SLC4A2: variants seen among roughly 807,000 people sequenced by gnomAD.
SLC4A2 encodes solute carrier family 4 member 2.
A neutral mutation model predicts 115.0 loss-of-function variants in SLC4A2; 36 were observed. That is an observed-to-expected ratio of 0.31 (90% confidence interval 0.24 to 0.41). The LOEUF (loss-of-function observed/expected upper bound fraction) is 0.41. Among genes scored for constraint, SLC4A2 ranks in the 10% least tolerant of loss-of-function variants. SLC4A2 has a pLI of 1.00. For synonymous variants in SLC4A2, 708 were observed against 708.3 expected (o/e 1.00, Z 0.01); for missense variants, 1,252 against 1,705.6 (o/e 0.73, Z 4.68).
At chr7:151,068,115 C>T in intron 8 of SLC4A2, 61 bp downstream of exon 8, 1 of 1,292,862 alleles carries the variant, frequency 7.7e-7, no homozygotes, top group Non-Finnish European at 1.0e-6. Context: ...CCCACATGGC[C>T]CCAAATCTGT....
intron 3 of SLC4A2, 70 bp from the exon 4 acceptor site, chr7:151,064,456 G>C: frequency 6.3e-7 from 1 of 1,577,208 alleles, no homozygotes; most frequent in Non-Finnish European, 8.6e-7. Context: ...GGGAGGAGTG[G>C]GGCTAGGGGG....
rs769777756 is a variant in SLC4A2 at position 151,070,054 on chromosome 7, G to A, written c.1255G>A (p.Val419Met). The A allele has an allele frequency of 8.7e-6, 14 of 1,614,124 alleles. No homozygotes were observed. Among genetic ancestry groups the A allele is most frequent in the Middle Eastern group, 1.6e-4 (1 of 6,062 alleles). Residue 419 changes from valine (V) to methionine (M), a missense_variant, in exon 9 of 23, where the codon GTG becomes ATG. By Grantham distance (21) the Val-to-Met change is conservative. This residue lies in a region of SLC4A2 where 142 missense variants were observed against 153.5 expected (regional missense o/e 0.93). Transcript: ENST00000413384. ...DQIKAEDRAN[V>M]LRALLLKHSH... ...GATCAAGGCCGAGGACAGGGCCAAC[G>A]TGCTGCGGGCTCTGCTGTTGAAACA... is the stretch of plus-strand genomic sequence containing the variant.
chr7:151,064,999 A>G (rs937228281), intron 5 of SLC4A2, 33 bp downstream of exon 5: 2 of 1,334,798 alleles, frequency 1.5e-6, no homozygotes, highest in Non-Finnish European at 2.2e-6. Flanking sequence ...TGTCCCCAAC[A>G]GACACTTCCC....
chr7:151,073,867 G>T, intron 16 of SLC4A2, 172 bp from the exon 17 acceptor site: 1 of 691,642 alleles, frequency 1.4e-6, no homozygotes, highest in Non-Finnish European at 2.4e-6. Context: ...GCCCCACACT[G>T]CCCTGTGCTC....
Position 151,067,464 on chromosome 7 carries a change from G to A in SLC4A2, c.967-410G>A, listed in dbSNP as rs1797273449. ...ACACATCTTAGAGCTTATTGACTTG[G>A]GCACTGTGATTATACTCCCCATGGT... On this transcript the variant is annotated intron_variant, in intron 7 of 22. Transcript: ENST00000413384. 3.9e-5 allele frequency among the ~76,000 whole-genome samples: 6 copies of A among 152,166 alleles called. 1 individual carries two copies. The highest frequency in any genetic ancestry group is 1.3e-4 in the Admixed American group (2 of 15,280).
At position 151,064,218 on chromosome 7, in the gene SLC4A2, TGG is replaced by T; in HGVS notation, c.70_71del (p.Gly24ProfsTer24). 6.2e-7 allele frequency: 1 copy of T among 1,612,318 alleles called. No individual in the cohort carries two copies. The highest frequency in any genetic ancestry group is 8.5e-7 in the Non-Finnish European group (1 of 1,179,934). On this transcript the variant is annotated frameshift_variant, in exon 3 of 23. Transcript: ENST00000413384. LOFTEE classifies it high-confidence loss of function. The stretch of plus-strand genomic sequence containing the variant: ...TCCTCACAGCCAGAGCCAGAGAGCT[TGG>T]GCCCTGGGACGCCTGGGTTCCCCGA...
At chr7:151,063,609 A>G (rs1395269979) in intron 2 of SLC4A2, among the ~76,000 whole-genome samples, 1 of 130,644 alleles carries the variant, frequency 7.7e-6, no homozygotes, top group African/African-American at 2.9e-5. Flanking sequence ...GAGGGGGCAG[A>G]CTGCTGGGGG....
At chr7:151,072,349 T>C (rs906819022) in intron 16 of SLC4A2, among the ~76,000 whole-genome samples, 1 of 152,222 alleles carries the variant, frequency 6.6e-6, no homozygotes, top group African/African-American at 2.4e-5. Context: ...TGGAGTGCAG[T>C]GGCGTGACCT....
rs1797182975 is a variant in SLC4A2, at chr7:151,064,958, C to T, written c.570C>T (p.Ala190=). ...QEATPRASKG[A]QAGTQVEEAE... is the part of the protein sequence containing the mutation. ...CGACTCCTCGGGCCTCCAAAGGGGC[C>T]CAGGCTGGGTAAGTACACCCCAATC... The change falls in exon 5 of 23, where the codon GCC becomes GCT. Residue 190 remains alanine (A), a synonymous_variant. Coordinates refer to ENST00000413384, the MANE Select transcript of SLC4A2 (RefSeq NM_003040.4). The T allele has an allele frequency of 1.2e-6, 2 of 1,610,146 alleles. No individual in the cohort carries two copies. Among genetic ancestry groups the T allele is most frequent in the Non-Finnish European group, 1.7e-6 (2 of 1,176,598 alleles).
upstream of SLC4A2, chr7:151,058,550 A>AC (rs1239450535): frequency 6.6e-6 from 1 of 150,604 alleles, no homozygotes; most frequent in Non-Finnish European, 1.5e-5. Context: ...CACGCCAAAG[A>AC]CCCCCTCTCT....
At chr7:151,075,145 CG>C in intron 19 of SLC4A2, 109 bp from the exon 20 acceptor site, 2 of 1,421,782 alleles carry the variant, frequency 1.4e-6, no homozygotes, top group Non-Finnish European at 1.9e-6. Flanking sequence ...GGACAGGGAC[CG>C]CCAGGTTCCA....
intron 2 of SLC4A2, 126 bp downstream of exon 2, chr7:151,062,164 C>T: frequency 1.3e-6 from 1 of 776,866 alleles, no homozygotes; most frequent in Non-Finnish European, 2.1e-6. Context: ...GAGGATGCTG[C>T]CATCCCTACC....
rs528467571 is a variant in SLC4A2 at position 151,062,014 on chromosome 7, C to G, written c.27C>G (p.Ala9=). Residue 9 remains alanine, a synonymous_variant, in exon 2 of 23, where the codon GCC becomes GCG. Transcript: ENST00000413384. ...TGAGCAGCGCCCCTCGGCGCCCCGC[C>G]AAGGGCGCAGATTCTTTCTGTACGG... The part of the protein sequence containing the change: MSSAPRRP[A]KGADSFCTPE... 15 of 1,610,984 alleles carry G rather than the reference C, an allele frequency of 9.3e-6. No homozygotes were observed. Among genetic ancestry groups the G allele is most frequent in the Non-Finnish European group, 1.2e-5 (14 of 1,179,756 alleles).
rs778916169 is a variant in SLC4A2 at position 151,064,269 on chromosome 7, G to A, written c.119G>A (p.Arg40His). ...FPEQEEDELH[R>H]TLGVERFEEI... Reference sequence around the variant, plus strand: ...GAGCAGGAGGAAGACGAACTTCACCGCACCCTGGGCGTGGAGCGGTTTGAG... The same window carrying A: ...GAGCAGGAGGAAGACGAACTTCACCACACCCTGGGCGTGGAGCGGTTTGAG... Residue 40 changes from arginine (R) to histidine (H), a missense_variant, in exon 3 of 23, where the codon CGC becomes CAC. By Grantham distance (29) the Arg-to-His change is conservative. Transcript: ENST00000413384. 3.1e-6 allele frequency: 5 copies of A among 1,612,494 alleles called. No individual in the cohort carries two copies. Among genetic ancestry groups the A allele is most frequent in the Admixed American group, 3.3e-5 (2 of 59,998 alleles).
In SLC4A2 at chr7:151,075,601, C is replaced by T. The variant is rs374811820; in HGVS notation, c.3302-5C>T. The T allele has an allele frequency of 3.3e-4, 528 of 1,589,814 alleles. 1 individual carries two copies. Among genetic ancestry groups the T allele is most frequent in the Non-Finnish European group, 4.3e-4 (506 of 1,171,778 alleles). ...GGCCAACTCTTTCTCCTGCGCCTCCCGTAGGCCTCTCCATAGTTATCGGGG... is the reference window on the plus strand; with the variant it reads ...GGCCAACTCTTTCTCCTGCGCCTCCTGTAGGCCTCTCCATAGTTATCGGGG... On this transcript the variant is annotated splice_polypyrimidine_tract_variant and splice_region_variant and intron_variant, in intron 20 of 22. Transcript: ENST00000413384.
Position 151,066,834 on chromosome 7 carries a change from G to A in SLC4A2, c.824-17G>A. 6.2e-7 allele frequency: 1 copy of A among 1,607,128 alleles called. No homozygotes were observed. Among genetic ancestry groups the A allele is most frequent in the Non-Finnish European group, 8.5e-7 (1 of 1,176,676 alleles). ...GAGAGAAAGGGGGAGCCCAACCTTG[G>A]TCCTCTGCCCCCACAGGTCACCGGT... On this transcript the variant is annotated splice_polypyrimidine_tract_variant and intron_variant, in intron 6 of 22. Coordinates refer to ENST00000413384, the MANE Select transcript of SLC4A2 (RefSeq NM_003040.4).
chr7:151,076,239 G>A, intron 22 of SLC4A2, 48 bp from the exon 23 acceptor site: 1 of 1,599,716 alleles, frequency 6.3e-7, no homozygotes. Flanking sequence ...TGTGGATCTG[G>A]AAAGGCCCCC....
chr7:151,063,175 C>A, intron 2 of SLC4A2: 1 of 1,375,120 alleles, frequency 7.3e-7, no homozygotes, highest in Non-Finnish European at 9.5e-7. Flanking sequence ...GCTCCGCGCC[C>A]GCAGGATGAC....
chr7:151,061,905 C>T lies in SLC4A2; in HGVS notation c.-63-20C>T. ...CCCTCCCAGGGCTCTCGATGGTGAT[C>T]AGGCCTCTCCCCCATCCAGGTTATG... On this transcript the variant is annotated intron_variant, in intron 1 of 22. Coordinates refer to ENST00000413384, the MANE Select transcript of SLC4A2 (RefSeq NM_003040.4). 1 of 1,293,320 alleles carries T rather than the reference C, an allele frequency of 7.7e-7. No individual in the cohort carries two copies. Among genetic ancestry groups the T allele is most frequent in the Non-Finnish European group, 1.1e-6 (1 of 912,630 alleles). 80.1% of individuals were successfully genotyped at this position (1,293,320 alleles called of 1,614,324 possible).
Sources: gnomAD v4.1 joint callset for allele counts (sites outside exome capture counted in the v4.1 genomes callset) on GRCh38, gnomAD v4.1.1 for gene constraint, gnomAD v4.1.1 regional missense constraint, MANE v1.5 for transcripts, NCBI Gene and HGNC (gene_info 2026-07-23, HGNC 2026-07-21) for gene names.